The following LRRC4C variants were observed in gnomAD, a reference collection of about 807,000 sequenced individuals.
The protein encoded by LRRC4C is leucine rich repeat containing 4C.
A neutral mutation model predicts 33.6 loss-of-function variants in LRRC4C; 5 were observed. That is an observed-to-expected ratio of 0.15 (90% CI 0.08 to 0.31). The LOEUF (loss-of-function observed/expected upper bound fraction) is 0.31. Among genes scored for constraint, LRRC4C ranks in the 10% least tolerant of loss-of-function variants. LRRC4C has a pLI of 1.00. For synonymous variants in LRRC4C, 329 were observed against 302.0 expected (o/e 1.09, Z -0.93); for missense variants, 560 against 796.7 (o/e 0.70, Z 3.58).
intron 1 of LRRC4C, among the ~76,000 whole-genome samples, chr11:40,998,406 G>T (rs1052456655): frequency 6.6e-6 from 1 of 151,760 alleles, no homozygotes; most frequent in Admixed American, 6.6e-5. Flanking sequence ...TTCTAAATCT[G>T]GGATCTAATA....
intron 1 of LRRC4C, among the ~76,000 whole-genome samples, chr11:41,021,750 T>C (rs1855998931): frequency 6.6e-6 from 1 of 152,060 alleles, no homozygotes; most frequent in Non-Finnish European, 1.5e-5. Context: ...AATTTGTCTC[T>C]ATGTGACTAA....
At chr11:41,361,463 T>C (rs1284076046) in intron 1 of LRRC4C, among the ~76,000 whole-genome samples, 1 of 152,214 alleles carries the variant, frequency 6.6e-6, no homozygotes, top group Admixed American at 6.5e-5. Context: ...AATTTGCCCA[T>C]GCACATTACT....
intron 1 of LRRC4C, among the ~76,000 whole-genome samples, chr11:41,269,972 T>C (rs2136825363): frequency 6.6e-6 from 1 of 152,262 alleles, no homozygotes; most frequent in East Asian, 1.9e-4. Flanking sequence ...GGGATAAATA[T>C]ATAAACCTGT....
chr11:40,396,528 T>A (rs1949548315), intron 3 of LRRC4C, among the ~76,000 whole-genome samples: 1 of 151,692 alleles, frequency 6.6e-6, no homozygotes, highest in Non-Finnish European at 1.5e-5. Flanking sequence ...TAAGAGAGAG[T>A]GATGGAGAGG....
chr11:40,898,971 A>G (rs570396675), intron 2 of LRRC4C, among the ~76,000 whole-genome samples: 9 of 152,196 alleles, frequency 5.9e-5, no homozygotes, highest in Non-Finnish European at 1.0e-4. Flanking sequence ...TTGAGAATCA[A>G]ACTTTTTGGA....
At chr11:40,329,737 C>CTTTTTTTTTTTTTTTTTTTT (rs199598860) in intron 3 of LRRC4C, among the ~76,000 whole-genome samples, 2 of 120,414 alleles carry the variant, frequency 1.7e-5, no homozygotes, top group African/African-American at 3.1e-5. Context: ...CTTTCTTTTT[C>CTTTTTTTTTTTTTTTTTTTT]TTTTTTTTTT....
chr11:41,015,159 A>T (rs945788820), intron 1 of LRRC4C, among the ~76,000 whole-genome samples: 16 of 152,174 alleles, frequency 1.1e-4, no homozygotes, highest in Non-Finnish European at 2.4e-4. Context: ...TGGCTAATGT[A>T]GAATGAACAT....
At chr11:41,061,842 G>A (rs557901988) in intron 1 of LRRC4C, among the ~76,000 whole-genome samples, 1 of 152,116 alleles carries the variant, frequency 6.6e-6, no homozygotes, top group African/African-American at 2.4e-5. Flanking sequence ...TTTGCTGTTA[G>A]ATCTCCTGTA....
intron 1 of LRRC4C, among the ~76,000 whole-genome samples, chr11:41,242,854 A>G (rs1948307691): frequency 6.6e-6 from 1 of 152,198 alleles, no homozygotes; most frequent in Non-Finnish European, 1.5e-5. Flanking sequence ...TGGGTATCTT[A>G]ATAGCTATTT....
At chr11:40,769,981 C>T (rs909006848) in intron 2 of LRRC4C, among the ~76,000 whole-genome samples, 8 of 151,938 alleles carry the variant, frequency 5.3e-5, no homozygotes, top group Admixed American at 3.3e-4. Flanking sequence ...AAAATATCCC[C>T]AACCAGAGCA....
At chr11:40,811,649 C>T (rs1951495254) in intron 2 of LRRC4C, among the ~76,000 whole-genome samples, 1 of 152,090 alleles carries the variant, frequency 6.6e-6, no homozygotes, top group South Asian at 2.1e-4. Flanking sequence ...AGGCACACAC[C>T]ACCATGCCCA....
At chr11:40,152,183 C>T (rs11035717) in intron 5 of LRRC4C, among the ~76,000 whole-genome samples, 15,286 of 152,214 alleles carry the variant, frequency 0.1, 859 homozygotes, top group South Asian at 0.16. Flanking sequence ...CGCACACCCC[C>T]GCTGGAGAAG....
chr11:41,073,338 T>C (rs533578306), intron 1 of LRRC4C, among the ~76,000 whole-genome samples: 107 of 151,930 alleles, frequency 7.0e-4, no homozygotes, highest in Middle Eastern at 6.8e-3. Context: ...GAGGGGTTTT[T>C]TTAACAACTG....
At chr11:40,275,849 A>G (rs1435240301) in intron 4 of LRRC4C, among the ~76,000 whole-genome samples, 2 of 152,198 alleles carry the variant, frequency 1.3e-5, no homozygotes, top group East Asian at 3.9e-4. Context: ...TCTATAGACT[A>G]TCCACTATAT....
chr11:40,858,692 T>TA (rs201131448), intron 2 of LRRC4C, among the ~76,000 whole-genome samples: 3,922 of 80,106 alleles, frequency 0.049, 161 homozygotes, highest in Non-Finnish European at 0.063. Flanking sequence ...GACTCCTTCT[T>TA]AAAAAAAAAA....
intron 1 of LRRC4C, among the ~76,000 whole-genome samples, chr11:41,272,527 T>G (rs1949353769): frequency 6.6e-6 from 1 of 152,118 alleles, no homozygotes; most frequent in Non-Finnish European, 1.5e-5. Flanking sequence ...TAAGATGAAT[T>G]GAATGAAGTA....
chr11:40,486,378 A>T (rs377627443), intron 3 of LRRC4C, among the ~76,000 whole-genome samples: 1 of 152,046 alleles, frequency 6.6e-6, no homozygotes, highest in African/African-American at 2.4e-5. Context: ...AGACAAATTA[A>T]AAGATAACTG....
intron 3 of LRRC4C, among the ~76,000 whole-genome samples, chr11:40,606,620 A>C (rs1414270238): frequency 6.6e-6 from 1 of 152,136 alleles, no homozygotes; most frequent in Non-Finnish European, 1.5e-5. Context: ...CATCATAAGG[A>C]TGCTTAATGA....
intron 5 of LRRC4C, among the ~76,000 whole-genome samples, chr11:40,145,814 T>C (rs2135040779): frequency 6.6e-6 from 1 of 152,364 alleles, no homozygotes; most frequent in South Asian, 2.1e-4. Context: ...TTCATTATAA[T>C]ATTTATCAGT....
Sources: gnomAD v4.1 joint callset for allele counts (sites outside exome capture counted in the v4.1 genomes callset) on GRCh38, gnomAD v4.1.1 for gene constraint, MANE v1.5 for transcripts, NCBI Gene and HGNC (gene_info 2026-07-23, HGNC 2026-07-21) for gene names.